The following KNL1 variants were observed in gnomAD, a reference collection of about 807,000 sequenced individuals.
KNL1 encodes kinetochore scaffold 1.
A neutral mutation model predicts 201.3 loss-of-function variants in KNL1; 66 were observed. The ratio of observed to expected loss-of-function variants is 0.33; its 90% CI spans 0.27 to 0.40. The LOEUF (loss-of-function observed/expected upper bound fraction) is 0.40. Among genes scored for constraint, KNL1 ranks in the 10% least tolerant of loss-of-function variants. KNL1 has a pLI of 1.00. For missense variants in KNL1, 2,815 were observed against 2,690.5 expected (o/e 1.05, Z -1.02); for synonymous variants, 895 against 899.2 (o/e 1.00, Z 0.08).
intron 1 of KNL1, among the ~76,000 whole-genome samples, chr15:40,595,076 G>A (rs986955511): frequency 6.6e-6 from 1 of 152,172 alleles, no homozygotes; most frequent in Non-Finnish European, 1.5e-5. Context: ...TTACAGATAG[G>A]TTTAATAGGC....
chr15:40,602,316 T>C (rs1360630535), intron 1 of KNL1, among the ~76,000 whole-genome samples: 4 of 149,208 alleles, frequency 2.7e-5, no homozygotes, highest in Admixed American at 6.7e-5. Flanking sequence ...TTTTTTTTTT[T>C]CAGTAGAGAC....
rs1446385986 is a variant in KNL1 at position 40,628,536 on chromosome 15, A to G, written c.5516-75A>G. The G allele has an allele frequency of 3.8e-6, 4 of 1,040,256 alleles. No homozygotes were observed. In the African/African-American group the frequency reaches 4.8e-5, roughly 12 times the overall value. 64.4% of individuals were successfully genotyped at this position (1,040,256 alleles called of 1,614,324 possible). A position where few individuals can be genotyped will look rare whatever the true frequency, so the allele number is the denominator to read the frequency against. The stretch of plus-strand genomic sequence containing the variant: ...ATGGGTAGCTTCAGGATCAGAAACA[A>G]TCTGAATGATAACCACAATTAAGTT... On this transcript the variant is annotated intron_variant, in intron 11 of 25. Transcript: ENST00000399668.
In KNL1 at chr15:40,650,317, G is replaced by A. The variant is rs1324343216; in HGVS notation, c.6111G>A (p.Glu2037=). The A allele has an allele frequency of 1.2e-6, 2 of 1,608,290 alleles. No homozygotes were observed. Among genetic ancestry groups the A allele is most frequent in the Non-Finnish European group, 1.7e-6 (2 of 1,175,390 alleles). The part of the protein sequence containing the change: ...TEMETETKNL[E]DEEKNNPVEE... ...CTACTTTAGAAACTAAGAATTTGGA[G>A]GATGAAGAGAAAAACAATCCTGTGG... The change falls in exon 18 of 26, where the codon GAG becomes GAA. Residue 2037 remains glutamate (E), a synonymous_variant. Coordinates refer to ENST00000399668, the MANE Select transcript of KNL1 (RefSeq NM_144508.5).
chr15:40,602,478 T>A (rs566243111), intron 1 of KNL1, among the ~76,000 whole-genome samples: 1 of 116,980 alleles, frequency 8.5e-6, no homozygotes, highest in East Asian at 2.3e-4. Context: ...TTTTTTTCCT[T>A]CCTTTTTTTT....
intron 20 of KNL1, 118 bp from the exon 21 acceptor site, chr15:40,651,858 TCCACAATATATGAATTGAAATATTTTCTC>T (rs1455955150): frequency 1.7e-6 from 1 of 577,200 alleles, no homozygotes; most frequent in Admixed American, 3.2e-5. Context: ...AGTTTGTACA[TCCACAATATATGAATTGAAATATTTTCTC>T]CCAGTCCAGT....
In KNL1 at chr15:40,662,403, C is replaced by T. The variant is rs1018571268; in HGVS notation, c.*215C>T. 9.0e-6 allele frequency: 4 copies of T among 446,712 alleles called. No individual in the cohort carries two copies. Among genetic ancestry groups the T allele is most frequent in the Non-Finnish European group, 1.6e-5 (4 of 250,276 alleles). The allele number at this position is 446,712 out of a possible 1,614,324, so 27.7% of individuals were successfully genotyped here. A position where few individuals can be genotyped will look rare whatever the true frequency, so the allele number is the denominator to read the frequency against. On this transcript the variant is annotated 3_prime_UTR_variant, in exon 26 of 26. Coordinates refer to ENST00000399668, the MANE Select transcript of KNL1 (RefSeq NM_144508.5). ...CATAGCCTACTATCAACTTACTCAT[C>T]TTTGTACCAAAGGTTTAAGTAATAG...
At chr15:40,640,384 T>C (rs1893190719) in intron 13 of KNL1, among the ~76,000 whole-genome samples, 1 of 152,124 alleles carries the variant, frequency 6.6e-6, no homozygotes, top group Non-Finnish European at 1.5e-5. Context: ...TGATCCACTG[T>C]GCCCGGCCCT....
intron 13 of KNL1, 99 bp downstream of exon 13, chr15:40,629,470 TC>T (rs376784269): frequency 3.2e-4 from 159 of 496,940 alleles, no homozygotes; most frequent in South Asian, 9.2e-4. Flanking sequence ...TAGAGAGTTT[TC>T]TTTTTTTTTT....
intron 1 of KNL1, among the ~76,000 whole-genome samples, chr15:40,601,073 T>C: frequency 6.6e-6 from 1 of 152,240 alleles, no homozygotes; most frequent in East Asian, 1.9e-4. Context: ...ATAGGTCCAC[T>C]GCCTGGATGG....
intron 14 of KNL1, 95 bp from the exon 15 acceptor site, chr15:40,644,902 T>C: frequency 1.5e-6 from 1 of 669,304 alleles, no homozygotes; most frequent in Non-Finnish European, 2.5e-6. Flanking sequence ...TTTTTCCAAA[T>C]GGAGTCTCTT....
Position 40,602,901 on chromosome 15 carries a change from T to C in KNL1, c.-17-14T>C, listed in dbSNP as rs758274297. ...TTTTTCCTCATGTTTTCTAATATTGTATATTTGTTACAGAAAAGTTTTCTT... is the reference window on the plus strand; with the variant it reads ...TTTTTCCTCATGTTTTCTAATATTGCATATTTGTTACAGAAAAGTTTTCTT... On this transcript the variant is annotated splice_polypyrimidine_tract_variant and intron_variant, in intron 1 of 25. Transcript: ENST00000399668. 1 of 1,423,514 alleles carries C rather than the reference T, an allele frequency of 7.0e-7. No individual in the cohort carries two copies. The highest frequency in any genetic ancestry group is 9.9e-7 in the Non-Finnish European group (1 of 1,013,636). The allele number at this position is 1,423,514 out of a possible 1,614,324, so 88.2% of individuals were successfully genotyped here. A position where few individuals can be genotyped will look rare whatever the true frequency, so the allele number is the denominator to read the frequency against.
chr15:40,619,901 A>G (rs1432965254), intron 9 of KNL1, among the ~76,000 whole-genome samples: 1 of 152,176 alleles, frequency 6.6e-6, no homozygotes, highest in Non-Finnish European at 1.5e-5. Context: ...CCAAAACACT[A>G]AAAAGTAAAT....
intron 8 of KNL1, among the ~76,000 whole-genome samples, chr15:40,618,715 G>A (rs910138528): frequency 2.0e-5 from 3 of 152,096 alleles, no homozygotes; most frequent in Non-Finnish European, 4.4e-5. Flanking sequence ...GGATATTCCA[G>A]TTACCCTGAT....
rs1365967774 is a variant in KNL1 at position 40,650,554 on chromosome 15, G to A, written c.6183G>A (p.Gln2061=). The A allele has an allele frequency of 1.9e-6, 3 of 1,557,494 alleles. No individual in the cohort carries two copies. The highest frequency in any genetic ancestry group is 2.6e-6 in the Non-Finnish European group (3 of 1,157,572). ...EMRAAEKELE[Q]LKTEEEELQR... Reference sequence around the variant, plus strand: ...TTTCTGTTTCCAAAGAATTGGAACAGCTGAAAACTGAAGAAGAGGAGCTTC... The same window carrying A: ...TTTCTGTTTCCAAAGAATTGGAACAACTGAAAACTGAAGAAGAGGAGCTTC... The change falls in exon 19 of 26, where the codon CAG becomes CAA. Residue 2061 remains glutamine, a synonymous_variant. Coordinates refer to ENST00000399668, the MANE Select transcript of KNL1 (RefSeq NM_144508.5).
At chr15:40,612,110 G>A (rs970372233) in intron 7 of KNL1, among the ~76,000 whole-genome samples, 4 of 152,170 alleles carry the variant, frequency 2.6e-5, no homozygotes, top group African/African-American at 9.6e-5. Context: ...GAGGTCAGGA[G>A]ATCGAGACCA....
At chr15:40,642,227 G>A (rs1325957891) in intron 14 of KNL1, among the ~76,000 whole-genome samples, 6 of 151,970 alleles carry the variant, frequency 3.9e-5, no homozygotes, top group East Asian at 1.9e-4. Flanking sequence ...GTGAAACCCC[G>A]TCGCTACTAA....
At chr15:40,656,337 G>T (rs1007596655) in intron 22 of KNL1, among the ~76,000 whole-genome samples, 2 of 152,038 alleles carry the variant, frequency 1.3e-5, no homozygotes, top group Admixed American at 1.3e-4. Flanking sequence ...GGAGGCTGAG[G>T]CAGGAGAATT....
intron 1 of KNL1, among the ~76,000 whole-genome samples, chr15:40,602,702 C>G (rs1242910843): frequency 6.6e-6 from 1 of 150,964 alleles, no homozygotes; most frequent in Non-Finnish European, 1.5e-5. Flanking sequence ...TCAGGCTGAT[C>G]TCAAACTTCT....
chr15:40,652,678 A>G (rs940332434), intron 21 of KNL1, among the ~76,000 whole-genome samples: 22 of 149,768 alleles, frequency 1.5e-4, no homozygotes, highest in African/African-American at 5.2e-4. Flanking sequence ...CAGGAGAATC[A>G]TTCGAACCCA....
Sources: gnomAD v4.1 joint callset for allele counts (sites outside exome capture counted in the v4.1 genomes callset) on GRCh38, gnomAD v4.1.1 for gene constraint, MANE v1.5 for transcripts, NCBI Gene and HGNC (gene_info 2026-07-23, HGNC 2026-07-21) for gene names.